Variants in PDE9A observed in about 807,000 individuals in gnomAD.
The protein encoded by PDE9A is phosphodiesterase 9A, also known as high affinity cGMP-specific 3',5'-cyclic phosphodiesterase 9A.
PDE9A carries 60 observed loss-of-function variants against 87.4 expected under a neutral mutation model. That is an observed-to-expected ratio of 0.69 (90% confidence interval 0.56 to 0.85). The LOEUF (loss-of-function observed/expected upper bound fraction) is 0.85. Among genes scored for constraint, PDE9A ranks in the 40% least tolerant of loss-of-function variants. The pLI is 0.00. For missense variants in PDE9A, 665 were observed against 779.0 expected (o/e 0.85, Z 1.74); for synonymous variants, 272 against 279.4 (o/e 0.97, Z 0.27).
In PDE9A at chr21:42,665,661, G is replaced by A. The variant is rs1162636212; in HGVS notation, c.69+11778G>A. Among the ~76,000 whole-genome samples the A allele has an allele frequency of 5.3e-5, 8 of 152,308 alleles. 1 individual carries two copies. The East Asian group carries it at 1.5e-3, about 29-fold the overall frequency. The stretch of plus-strand genomic sequence containing the variant: ...GAATGTCCCCGCTCCTAGGAAGCCG[G>A]ATGTGTCGCGTGCAGGTGCCTCTCT... On this transcript the variant is annotated intron_variant, in intron 1 of 19. Coordinates refer to ENST00000291539, the MANE Select transcript of PDE9A (RefSeq NM_002606.3).
At chr21:42,697,049 G>A (rs531864115) in intron 3 of PDE9A, among the ~76,000 whole-genome samples, 2 of 152,334 alleles carry the variant, frequency 1.3e-5, no homozygotes, top group South Asian at 2.1e-4. Flanking sequence ...ACGCAGGCAC[G>A]TGGTGGGAGA....
rs1223131292 is a variant in PDE9A, at chr21:42,686,280, G to A, written c.140+18G>A. The A allele has an allele frequency of 1.9e-6, 3 of 1,604,034 alleles. No homozygotes were observed. The highest frequency in any genetic ancestry group is 2.6e-6 in the Non-Finnish European group (3 of 1,171,086). On this transcript the variant is annotated intron_variant, in intron 2 of 19. Transcript: ENST00000291539. ...CTGCCTCGGTGAGTGCGCGCTGCGGGCTCTGCCCGGTGACGCCACGCGGCC... is the reference window on the plus strand; with the variant it reads ...CTGCCTCGGTGAGTGCGCGCTGCGGACTCTGCCCGGTGACGCCACGCGGCC...
intron 1 of PDE9A, among the ~76,000 whole-genome samples, chr21:42,670,085 AC>A (rs1307231487): frequency 6.7e-6 from 1 of 149,182 alleles, no homozygotes; most frequent in Admixed American, 6.6e-5. Flanking sequence ...ATACTTACAC[AC>A]ATTCTCATAC....
chr21:42,720,117 G>A (rs1056577432), intron 4 of PDE9A, among the ~76,000 whole-genome samples: 7 of 152,308 alleles, frequency 4.6e-5, no homozygotes, highest in Middle Eastern at 3.4e-3. Flanking sequence ...TCCCAGCAGC[G>A]TGTACAACCA....
chr21:42,658,071 G>T (rs1446531859), intron 1 of PDE9A, among the ~76,000 whole-genome samples: 2 of 152,220 alleles, frequency 1.3e-5, no homozygotes, highest in African/African-American at 4.8e-5. Context: ...ACCTACGCTT[G>T]CCTCCACCCG....
At position 42,743,848 on chromosome 21, in the gene PDE9A, C is replaced by T. The variant is rs1238948427; in HGVS notation, c.641C>T (p.Ala214Val). Residue 214 changes from alanine (A) to valine (V), a missense_variant, in exon 8 of 20, where the codon GCC (alanine) becomes GTC (valine). By Grantham distance (64) the Ala-to-Val change is moderately conservative. Coordinates refer to ENST00000291539, the MANE Select transcript of PDE9A (RefSeq NM_002606.3). ...DIKKMREELA[A>V]RSSRTNCPCK... is the part of the protein sequence containing the mutation. The stretch of plus-strand genomic sequence containing the variant: ...AAGAAGATGAGGGAGGAGCTGGCGG[C>T]CAGAAGCAGCAGGTAGGGTCTGCGC... 5 of 1,576,122 alleles carry T rather than the reference C, an allele frequency of 3.2e-6. No homozygotes were observed. Among genetic ancestry groups the T allele is most frequent in the African/African-American group, 1.4e-5 (1 of 73,902 alleles).
intron 1 of PDE9A, among the ~76,000 whole-genome samples, chr21:42,670,311 AC>A (rs2058397494): frequency 8.3e-6 from 1 of 120,212 alleles, no homozygotes; most frequent in Non-Finnish European, 1.6e-5. Context: ...ATACACTTAG[AC>A]ACCACACTCA....
intron 8 of PDE9A, among the ~76,000 whole-genome samples, chr21:42,744,090 C>T (rs769580355): frequency 6.6e-5 from 10 of 152,178 alleles, no homozygotes; most frequent in Non-Finnish European, 1.0e-4. Flanking sequence ...TGGTGGCTCA[C>T]GCCTGTAATC....
At chr21:42,726,624 A>ATTTTTTTTTTTTTTTTTTT (rs1197356167) in intron 4 of PDE9A, among the ~76,000 whole-genome samples, 1 of 19,774 alleles carries the variant, frequency 5.1e-5, no homozygotes, top group African/African-American at 3.4e-4. Context: ...ATATATATAT[A>ATTTTTTTTTTTTTTTTTTT]TTTTTTTTTT....
chr21:42,759,734 ATGTG>A lies in PDE9A; in HGVS notation c.898-590_898-587del, dbSNP rs1054927884. On this transcript the variant is annotated intron_variant, in intron 11 of 19. Transcript: ENST00000291539. This position sits in a 1 kb window ranked among gnomAD's most constrained non-coding sequence, Gnocchi z 7.2. ...TGGGTGTGTGTGAGGGTGTGTGTGC[ATGTG>A]TGTATCTGTGGATGTGAGGTGTGTG... Among the ~76,000 whole-genome samples the A allele has an allele frequency of 7.1e-6, 1 of 140,502 alleles. No homozygotes were observed. Among genetic ancestry groups the A allele is most frequent in the Admixed American group, 7.2e-5 (1 of 13,950 alleles). 92.2% of individuals were successfully genotyped at this position (140,502 alleles called of 152,430 possible).
intron 1 of PDE9A, among the ~76,000 whole-genome samples, chr21:42,673,602 G>T (rs2058679519): frequency 6.6e-6 from 1 of 152,198 alleles, no homozygotes; most frequent in Admixed American, 6.5e-5. Flanking sequence ...TCATAAATTT[G>T]CATTTGTGGC....
intron 3 of PDE9A, 39 bp downstream of exon 3, chr21:42,688,033 C>T (rs1343602159): frequency 2.0e-6 from 3 of 1,492,444 alleles, no homozygotes; most frequent in East Asian, 4.5e-5. Context: ...GTGTGCCTGG[C>T]ACTTCTCTCC....
At chr21:42,769,192 C>G in intron 17 of PDE9A, 37 bp downstream of exon 17, 1 of 1,599,090 alleles carries the variant, frequency 6.3e-7, no homozygotes, top group South Asian at 1.1e-5. Flanking sequence ...CTTGCTTACA[C>G]TCAGATACAT....
chr21:42,685,925 A>C (rs1475654564), intron 1 of PDE9A, among the ~76,000 whole-genome samples: 1 of 152,094 alleles, frequency 6.6e-6, no homozygotes, highest in Non-Finnish European at 1.5e-5. Context: ...CTTCACCATA[A>C]CCATGTCACG....
At chr21:42,719,265 G>A (rs1022355724) in intron 4 of PDE9A, among the ~76,000 whole-genome samples, 5 of 151,676 alleles carry the variant, frequency 3.3e-5, no homozygotes, top group South Asian at 4.2e-4. Flanking sequence ...GTCATCTGAC[G>A]CTTCAACCTG....
chr21:42,754,091 G>A lies in PDE9A; in HGVS notation c.810+27G>A, dbSNP rs762052675. The A allele has an allele frequency of 4.7e-6, 7 of 1,504,338 alleles. No individual in the cohort carries two copies. The African/African-American group carries it at 6.9e-5, about 15-fold the overall frequency. 93.2% of individuals were successfully genotyped at this position (1,504,338 alleles called of 1,614,324 possible). A position where few individuals can be genotyped will look rare whatever the true frequency, so the allele number is the denominator to read the frequency against. On this transcript the variant is annotated intron_variant, in intron 10 of 19. Transcript: ENST00000291539. ...TAAGTGCGGGGCTTGCAGGCACCAC[G>A]TCCCAGGGGGAGGCAGCTCAGGATC...
chr21:42,654,350 C>T (rs2145738205), intron 1 of PDE9A, among the ~76,000 whole-genome samples: 1 of 152,222 alleles, frequency 6.6e-6, no homozygotes, highest in Non-Finnish European at 1.5e-5. Context: ...ACTCGGGCCG[C>T]TGCACCTCCG....
rs146268329 is a variant in PDE9A at position 42,686,239 on chromosome 21, C to T, written c.117C>T (p.Phe39=). Residue 39 remains phenylalanine, a synonymous_variant, in exon 2 of 20, where the codon TTC becomes TTT. Coordinates refer to ENST00000291539, the MANE Select transcript of PDE9A (RefSeq NM_002606.3). ...YCNSSDIMDL[F]CIATGLPRNT... The stretch of plus-strand genomic sequence containing the variant: ...ACTCCAGCGACATCATGGACCTGTT[C>T]TGCATCGCCACCGGCCTGCCTCGGT... The T allele has an allele frequency of 5.8e-5, 93 of 1,613,864 alleles. No individual in the cohort carries two copies. The African/African-American group carries it at 1.1e-3, about 18-fold the overall frequency.
At chr21:42,663,173 TCACA>T (rs985425735) in intron 1 of PDE9A, among the ~76,000 whole-genome samples, 8 of 129,176 alleles carry the variant, frequency 6.2e-5, no homozygotes, top group Non-Finnish European at 1.1e-4. Context: ...CACACACACA[TCACA>T]CACATCCACA....
Sources: gnomAD v4.1 joint callset for allele counts (sites outside exome capture counted in the v4.1 genomes callset) on GRCh38, gnomAD v4.1.1 for gene constraint, Gnocchi (gnomAD v3.1) non-coding constraint, MANE v1.5 for transcripts, NCBI Gene and HGNC (gene_info 2026-07-23, HGNC 2026-07-21) for gene names.